Variants in RNF43 observed in about 807,000 individuals in gnomAD.
The protein encoded by RNF43 is E3 ubiquitin-protein ligase RNF43.
Under a neutral mutation model 78.4 loss-of-function variants are expected in RNF43, and 37 were observed. That is an observed-to-expected ratio of 0.47 (90% CI 0.36 to 0.62). The LOEUF (loss-of-function observed/expected upper bound fraction) is 0.62, where lower values mean the gene tolerates loss of function less well. Among genes scored for constraint, RNF43 ranks in the 20% least tolerant of loss-of-function variants. RNF43 has a pLI of 0.00. For missense variants in RNF43, 774 were observed against 1,007.9 expected (o/e 0.77, Z 3.14); for synonymous variants, 347 against 395.0 (o/e 0.88, Z 1.44).
intron 2 of RNF43, among the ~76,000 whole-genome samples, chr17:58,395,484 GAAAT>G (rs150910837): frequency 0.042 from 6,349 of 152,134 alleles, 172 homozygotes; most frequent in Non-Finnish European, 0.059. Context: ...TGAACTCCTA[GAAAT>G]AAATAGTCAC....
chr17:58,355,536 G>A (rs558135563), intron 9 of RNF43, among the ~76,000 whole-genome samples: 2 of 152,174 alleles, frequency 1.3e-5, no homozygotes, highest in Non-Finnish European at 2.9e-5. Flanking sequence ...TGGGCTACAG[G>A]AACTACAAGA....
In RNF43 at chr17:58,357,500, T is replaced by G. The variant is rs1450476536; in HGVS notation, c.2276A>C (p.Tyr759Ser). The G allele has an allele frequency of 4.3e-6, 7 of 1,614,098 alleles. No homozygotes were observed. The Admixed American group carries it at 1.2e-4, about 27-fold the overall frequency. The part of the protein sequence containing the change: ...SDTAEGRPCP[Y>S]PHCQVLSAQP... ...GGCCGACAGCACCTGGCAGTGCGGA[T>G]AAGGGCATGGCCTGCCCTCTGCGGT... Residue 759 changes from tyrosine (Y) to serine (S), a missense_variant, in exon 9 of 10, where the codon TAT becomes TCT. Transcript: ENST00000407977. The surrounding 1 kb of genome is among the most constrained non-coding windows in gnomAD (Gnocchi z 4.5).
chr17:58,354,957 C>T lies in RNF43; in HGVS notation c.2338G>A (p.Glu780Lys), dbSNP rs35445516. 6.2e-7 allele frequency: 1 copy of T among 1,614,164 alleles called. No individual in the cohort carries two copies. The highest frequency in any genetic ancestry group is 8.5e-7 in the Non-Finnish European group (1 of 1,180,008). ...GCCTGAACATCTCACACAGCCTGTT[C>T]ACACAGCTCCTCGAGTTCCTCCTCT... ...GSEEELEELC[E>K]QAV The change falls in exon 10 of 10, where the codon GAA becomes AAA. Residue 780 changes from glutamate (E) to lysine (K), a missense_variant. By Grantham distance (56) the Glu-to-Lys change is moderately conservative. Coordinates refer to ENST00000407977, the MANE Select transcript of RNF43 (RefSeq NM_017763.6).
intron 2 of RNF43, among the ~76,000 whole-genome samples, chr17:58,390,330 T>G (rs956200495): frequency 2.6e-5 from 4 of 152,238 alleles, no homozygotes; most frequent in Admixed American, 1.3e-4. Context: ...AAAAAAATTT[T>G]CTAGAAGAAT....
In RNF43 at chr17:58,374,061, C is replaced by A. The variant is rs151308275; in HGVS notation, c.253-3028G>T. ...TTCTATGCACTTTTTCATATTAACT[C>A]TTTTCATCCTCATAACAACACTATC... On this transcript the variant is annotated intron_variant, in intron 2 of 9. Coordinates refer to ENST00000407977, the MANE Select transcript of RNF43 (RefSeq NM_017763.6). Among the ~76,000 whole-genome samples the A allele has an allele frequency of 8.5e-5, 13 of 152,240 alleles. No individual in the cohort carries two copies. The East Asian group carries it at 2.3e-3, about 27-fold the overall frequency.
In RNF43 at chr17:58,417,348, C is replaced by T. The variant is rs1240580432; in HGVS notation, c.-717G>A. 6.6e-6 allele frequency: 1 copy of T among 152,134 alleles called. No individual in the cohort carries two copies. Among genetic ancestry groups the T allele is most frequent in the Non-Finnish European group, 1.5e-5 (1 of 68,040 alleles). The allele number at this position is 152,134 out of a possible 1,614,324, so 9.4% of individuals were successfully genotyped here. ...AAAAGTTCTTTTTTTCTCCAAACAGCATATAAAATGATCAAGTCTTGAAAG... is the reference window on the plus strand; with the variant it reads ...AAAAGTTCTTTTTTTCTCCAAACAGTATATAAAATGATCAAGTCTTGAAAG... On this transcript the variant is annotated 5_prime_UTR_variant, in exon 1 of 10. It removes an upstream start codon present in the reference 5' UTR. Coordinates refer to ENST00000407977, the MANE Select transcript of RNF43 (RefSeq NM_017763.6).
At chr17:58,391,015 C>T (rs1307975903) in intron 2 of RNF43, among the ~76,000 whole-genome samples, 2 of 152,122 alleles carry the variant, frequency 1.3e-5, no homozygotes, top group African/African-American at 4.8e-5. Context: ...TGAAGGGCTC[C>T]GTTAGTAAGC....
rs2143393768 is a variant in RNF43, at chr17:58,357,787, G to A, written c.1989C>T (p.Pro663=). The A allele has an allele frequency of 1.9e-6, 3 of 1,614,036 alleles. No individual in the cohort carries two copies. Among genetic ancestry groups the A allele is most frequent in the South Asian group, 2.2e-5 (2 of 91,080 alleles). ...CATCCTGGGGCCGAGAGCCAGGGGT[G>A]GGCTCGGAGGGACCCCCCCGCCTTT... The part of the protein sequence containing the change: ...QRKRRGGPSE[P]TPGSRPQDAT... The change falls in exon 9 of 10, where the codon CCC becomes CCT. Residue 663 remains proline (P), a synonymous_variant. Transcript: ENST00000407977. This position sits in a 1 kb window ranked among gnomAD's most constrained non-coding sequence, Gnocchi z 4.5.
Position 58,417,479 on chromosome 17 carries a change from A to T in RNF43, c.-848T>A, listed in dbSNP as rs527726033. On this transcript the variant is annotated 5_prime_UTR_variant, in exon 1 of 10. Coordinates refer to ENST00000407977, the MANE Select transcript of RNF43 (RefSeq NM_017763.6). Reference sequence around the variant, plus strand: ...CTCTGAATCATGGATGGACTTGGAAAGTTCGGAAGGATTCCGAGTGCTTCC... The same window carrying T: ...CTCTGAATCATGGATGGACTTGGAATGTTCGGAAGGATTCCGAGTGCTTCC... 1.5e-4 allele frequency: 23 copies of T among 152,378 alleles called. No individual in the cohort carries two copies. The highest frequency in any genetic ancestry group is 4.8e-4 in the African/African-American group (20 of 41,590). The allele number at this position is 152,378 out of a possible 1,614,324, so 9.4% of individuals were successfully genotyped here. A position where few individuals can be genotyped will look rare whatever the true frequency, so the allele number is the denominator to read the frequency against.
chr17:58,412,264 G>T (rs567582292), intron 2 of RNF43, among the ~76,000 whole-genome samples: 3 of 152,156 alleles, frequency 2.0e-5, no homozygotes, highest in Admixed American at 2.0e-4. Flanking sequence ...GAGTTGGAAT[G>T]ATACAGTAAT....
chr17:58,373,149 C>T (rs1438750912), intron 2 of RNF43, among the ~76,000 whole-genome samples: 5 of 152,164 alleles, frequency 3.3e-5, no homozygotes, highest in Non-Finnish European at 5.9e-5. Flanking sequence ...GCTTGCTCCT[C>T]GACCCTCCCC....
At chr17:58,384,916 C>T (rs1973400195) in intron 2 of RNF43, among the ~76,000 whole-genome samples, 1 of 152,148 alleles carries the variant, frequency 6.6e-6, no homozygotes, top group East Asian at 1.9e-4. Flanking sequence ...GAATTTCCTC[C>T]CTAACAGAGT....
At chr17:58,402,423 C>A (rs1029181203) in intron 2 of RNF43, among the ~76,000 whole-genome samples, 3 of 152,204 alleles carry the variant, frequency 2.0e-5, no homozygotes, top group African/African-American at 7.2e-5. Context: ...TAAATTTGCC[C>A]TATCCATCAT....
At position 58,357,440 on chromosome 17, in the gene RNF43, C is replaced by T. The variant is rs1346322574; in HGVS notation, c.2308+28G>A. 1 of 1,614,156 alleles carries T rather than the reference C, an allele frequency of 6.2e-7. No homozygotes were observed. ...ATTCAGCTGTAGTCTCCTCTCCCTA[C>T]CACACCCACTTCCCTCTGAAAACTC... On this transcript the variant is annotated intron_variant, in intron 9 of 9. Transcript: ENST00000407977. The surrounding 1 kb of genome is among the most constrained non-coding windows in gnomAD (Gnocchi z 4.5).
In RNF43 at chr17:58,354,502, G is replaced by A. The variant is rs1972642931; in HGVS notation, c.*441C>T. The stretch of plus-strand genomic sequence containing the variant: ...GGTGTTCAGAGCTCACCCAAGGAGG[G>A]AGGTGATAAGGTGTCATGCGTTCTG... On this transcript the variant is annotated 3_prime_UTR_variant, in exon 10 of 10. Transcript: ENST00000407977. 1.1e-5 allele frequency: 3 copies of A among 277,456 alleles called. No individual in the cohort carries two copies. Among genetic ancestry groups the A allele is most frequent in the Non-Finnish European group, 2.1e-5 (3 of 141,356 alleles). The allele number at this position is 277,456 out of a possible 1,614,324, so 17.2% of individuals were successfully genotyped here.
chr17:58,406,953 C>G (rs1011192154), intron 2 of RNF43, among the ~76,000 whole-genome samples: 5 of 151,114 alleles, frequency 3.3e-5, no homozygotes, highest in African/African-American at 9.7e-5. Flanking sequence ...TTTAAAATTA[C>G]AGTTGTATTA....
At chr17:58,408,226 CT>C (rs1230373509) in intron 2 of RNF43, among the ~76,000 whole-genome samples, 4 of 152,124 alleles carry the variant, frequency 2.6e-5, no homozygotes, top group Non-Finnish European at 4.4e-5. Context: ...ATCTGGAGTC[CT>C]TAGATCTCTA....
chr17:58,369,944 T>C (rs111436727), intron 3 of RNF43, among the ~76,000 whole-genome samples: 35 of 151,230 alleles, frequency 2.3e-4, no homozygotes, highest in Admixed American at 1.5e-3. Flanking sequence ...GGGTGGAGCA[T>C]AGCAAAAGAG....
chr17:58,377,091 C>T (rs1490967867), intron 2 of RNF43, among the ~76,000 whole-genome samples: 3 of 152,094 alleles, frequency 2.0e-5, no homozygotes. Context: ...CAAGACAGAC[C>T]TAGAGTTCAG....
Sources: allele counts gnomAD v4.1 joint callset (sites outside exome capture counted in the v4.1 genomes callset), GRCh38; gene constraint gnomAD v4.1.1; non-coding constraint Gnocchi (gnomAD v3.1); transcripts MANE v1.5; gene names NCBI Gene and HGNC (gene_info 2026-07-23, HGNC 2026-07-21).